INSYN2B: variants seen among roughly 807,000 people sequenced by gnomAD.
INSYN2B encodes the protein protein INSYN2B.
In INSYN2B, 16 loss-of-function variants were observed where a neutral mutation model predicts 41.2. That is an observed-to-expected ratio of 0.39 (90% CI 0.26 to 0.59). INSYN2B has a LOEUF of 0.59. Among genes scored for constraint, INSYN2B ranks in the 20% least tolerant of loss-of-function variants. The probability of loss-of-function intolerance (pLI) is 0.57; values close to 1 mark genes in which losing one functional copy is unlikely to be tolerated. For missense variants in INSYN2B, 608 were observed against 646.4 expected (o/e 0.94, Z 0.64); for synonymous variants, 245 against 244.4 (o/e 1.00, Z -0.02).
chr5:169,946,172 G>A (rs1409898663), intron 1 of INSYN2B, among the ~76,000 whole-genome samples: 1 of 152,176 alleles, frequency 6.6e-6, no homozygotes, highest in Non-Finnish European at 1.5e-5. Context: ...GACAGAGGAG[G>A]GGCCTCAAGC....
chr5:169,946,926 G>T (rs1293508351), intron 1 of INSYN2B, among the ~76,000 whole-genome samples: 1 of 152,090 alleles, frequency 6.6e-6, no homozygotes, highest in African/African-American at 2.4e-5. Flanking sequence ...GGAAGAGCGT[G>T]GGCAAGGCCC....
At chr5:169,968,548 C>T (rs1777383521) in intron 1 of INSYN2B, among the ~76,000 whole-genome samples, 1 of 152,180 alleles carries the variant, frequency 6.6e-6, no homozygotes, top group Non-Finnish European at 1.5e-5. Context: ...TCTTCGACTT[C>T]AGCATGGTAA....
At chr5:169,924,138 G>C (rs1340789064) in intron 1 of INSYN2B, among the ~76,000 whole-genome samples, 2 of 152,140 alleles carry the variant, frequency 1.3e-5, no homozygotes, top group Non-Finnish European at 2.9e-5. Flanking sequence ...CATGCTCCCA[G>C]TCTGCTTCTC....
intron 1 of INSYN2B, among the ~76,000 whole-genome samples, chr5:169,918,105 G>T (rs975229362): frequency 6.6e-6 from 1 of 152,278 alleles, no homozygotes; most frequent in Middle Eastern, 3.4e-3. Context: ...AACCTTAGTA[G>T]AATTTGAAAG....
At chr5:169,927,853 T>TGA (rs1775549505) in intron 1 of INSYN2B, among the ~76,000 whole-genome samples, 1 of 152,146 alleles carries the variant, frequency 6.6e-6, no homozygotes, top group African/African-American at 2.4e-5. Flanking sequence ...CCTGACCTCA[T>TGA]GATCCACCCG....
intron 1 of INSYN2B, among the ~76,000 whole-genome samples, chr5:169,925,010 A>G (rs957896271): frequency 2.6e-5 from 4 of 151,976 alleles, no homozygotes. Flanking sequence ...CAGAGTATTG[A>G]CTCAAGTAAT....
chr5:169,864,118 C>T lies in INSYN2B; in HGVS notation c.*155G>A, dbSNP rs540560268. 5 of 672,946 alleles carry T rather than the reference C, an allele frequency of 7.4e-6. No individual in the cohort carries two copies. Among genetic ancestry groups the T allele is most frequent in the South Asian group, 1.9e-5 (1 of 52,162 alleles). 41.7% of individuals were successfully genotyped at this position (672,946 alleles called of 1,614,324 possible). The stretch of plus-strand genomic sequence containing the variant: ...AGGATCGTGGTCAGGTGTCCAGCAG[C>T]GGCTACATCAGCTCCAAGGCTCTTC... On this transcript the variant is annotated 3_prime_UTR_variant, in exon 4 of 4. Transcript: ENST00000377365.
chr5:169,935,764 A>G (rs552765947), intron 1 of INSYN2B, among the ~76,000 whole-genome samples: 9 of 152,216 alleles, frequency 5.9e-5, no homozygotes, highest in Non-Finnish European at 1.2e-4. Flanking sequence ...CACTGACTTC[A>G]TAGGAGAAAA....
chr5:169,961,381 C>A (rs1404964075), intron 1 of INSYN2B, among the ~76,000 whole-genome samples: 1 of 152,204 alleles, frequency 6.6e-6, no homozygotes, highest in African/African-American at 2.4e-5. Context: ...TGCCTTGCAT[C>A]AGGGGAATGT....
chr5:169,953,704 G>A (rs1776757987), intron 1 of INSYN2B, among the ~76,000 whole-genome samples: 1 of 152,154 alleles, frequency 6.6e-6, no homozygotes, highest in Admixed American at 6.5e-5. Flanking sequence ...GCAGCATAAA[G>A]TGAACTCCTC....
At chr5:169,879,019 GAGA>G (rs1184335999) in intron 3 of INSYN2B, among the ~76,000 whole-genome samples, 1 of 152,322 alleles carries the variant, frequency 6.6e-6, no homozygotes, top group African/African-American at 2.4e-5. Context: ...AGGGAGCAGA[GAGA>G]AGGAGTTAGA....
At chr5:169,903,391 C>T (rs1774066837) in intron 1 of INSYN2B, among the ~76,000 whole-genome samples, 1 of 150,590 alleles carries the variant, frequency 6.6e-6, no homozygotes, top group Non-Finnish European at 1.5e-5. Flanking sequence ...CGGGGTGCCG[C>T]AGGAGTCCCT....
At chr5:169,877,871 T>G (rs572267686) in intron 3 of INSYN2B, among the ~76,000 whole-genome samples, 1 of 152,268 alleles carries the variant, frequency 6.6e-6, no homozygotes, top group Middle Eastern at 3.4e-3. Context: ...CCAATCTCTC[T>G]CTTCACCCAC....
intron 1 of INSYN2B, among the ~76,000 whole-genome samples, chr5:169,920,862 G>A (rs62384857): frequency 0.41 from 62,113 of 151,972 alleles, 13,524 homozygotes; most frequent in African/African-American, 0.57. Flanking sequence ...TAGGACACCT[G>A]TATCTCCTCC....
At chr5:169,925,307 A>G (rs1775378395) in intron 1 of INSYN2B, among the ~76,000 whole-genome samples, 1 of 152,168 alleles carries the variant, frequency 6.6e-6, no homozygotes, top group Non-Finnish European at 1.5e-5. Context: ...AGACCCTAGG[A>G]CAGATGGGTC....
chr5:169,891,497 CAGCTTTCCAAATCCA>C (rs1358845954), intron 1 of INSYN2B, among the ~76,000 whole-genome samples: 9 of 152,164 alleles, frequency 5.9e-5, no homozygotes, highest in African/African-American at 2.2e-4. Flanking sequence ...GCAGTAAAAT[CAGCTTTCCAAATCCA>C]AGCTTAAGCA....
rs1771184525 is a variant in INSYN2B, at chr5:169,861,367, T to G, written c.*2906A>C. Among the ~76,000 whole-genome samples, 1 of 152,334 alleles carries G rather than the reference T, an allele frequency of 6.6e-6. No homozygotes were observed. The highest frequency in any genetic ancestry group is 2.1e-4 in the South Asian group (1 of 4,828). On this transcript the variant is annotated 3_prime_UTR_variant, in exon 4 of 4. Transcript: ENST00000377365. The stretch of plus-strand genomic sequence containing the variant: ...TCCCGTTTAAAACAGTTTAGAAATT[T>G]ACAAAACCTTACATCAGTACATCGT...
chr5:169,978,386 TGTG>T (rs1236957957), intron 1 of INSYN2B, among the ~76,000 whole-genome samples: 21 of 16,716 alleles, frequency 1.3e-3, no homozygotes, highest in African/African-American at 5.1e-3. Context: ...TGTGTGTGTG[TGTG>T]TGTGGGGGGG....
chr5:169,908,706 CTTTTTTCTT>C (rs1224545504), intron 1 of INSYN2B, among the ~76,000 whole-genome samples: 4 of 126,874 alleles, frequency 3.2e-5, no homozygotes, highest in Non-Finnish European at 4.8e-5. Context: ...TTTCTCTTTT[CTTTTTTCTT>C]TTTTTTTTTT....
Sources: gnomAD v4.1 joint callset for allele counts (sites outside exome capture counted in the v4.1 genomes callset) on GRCh38, gnomAD v4.1.1 for gene constraint, MANE v1.5 for transcripts, NCBI Gene and HGNC (gene_info 2026-07-23, HGNC 2026-07-21) for gene names.